The following ARHGEF35 variants were observed in gnomAD, a reference collection of about 807,000 sequenced individuals.
ARHGEF35 encodes Rho guanine nucleotide exchange factor 35, also known as Rho guanine nucleotide exchange factor (GEF) 35.
For synonymous variants in ARHGEF35, 47 were observed against 170.4 expected, an observed-to-expected ratio of 0.28 and a Z score of 5.64; for missense variants, 114 against 449.7, an observed-to-expected ratio of 0.25 and a Z score of 6.75.
chr7:144,188,284 AG>A lies in ARHGEF35; in HGVS notation c.99del (p.Ser34LeufsTer31), dbSNP rs1391969238. 2 of 1,024,666 alleles carry A rather than the reference AG, an allele frequency of 2.0e-6. 1 individual carries two copies. The highest frequency in any genetic ancestry group is 2.7e-6 in the Non-Finnish European group (2 of 742,074). 63.5% of individuals were successfully genotyped at this position (1,024,666 alleles called of 1,614,324 possible). ...TCTTGAGCTTCAAGCCCCAAGGCAG[AG>A]ACCTGGCTGCTCCTCATGGGAGCCT... ...IPEAPMRSSQ[V>X]SALGLEAQED... On this transcript the variant is annotated frameshift_variant, in exon 2 of 2. Transcript: ENST00000378115. LOFTEE classifies it low-confidence loss of function (END_TRUNC).
chr7:144,189,792 C>A (rs1043297714), intron 1 of ARHGEF35, among the ~76,000 whole-genome samples: 1 of 117,498 alleles, frequency 8.5e-6, no homozygotes, highest in African/African-American at 3.5e-5. Flanking sequence ...TTCCTCCAGT[C>A]TTTTTTTTTC....
chr7:144,193,875 G>T (rs1193963043), intron 1 of ARHGEF35, among the ~76,000 whole-genome samples: 2 of 145,296 alleles, frequency 1.4e-5, no homozygotes, highest in Non-Finnish European at 3.1e-5. Context: ...CCTTGAGGGT[G>T]ACTTTGTTCC....
Position 144,186,427 on chromosome 7 carries a change from G to C in ARHGEF35, c.*502C>G, listed in dbSNP as rs1243955490. 7.9e-6 allele frequency: 1 copy of C among 126,394 alleles called. No homozygotes were observed. The highest frequency in any genetic ancestry group is 3.5e-5 in the African/African-American group (1 of 28,922). The allele number at this position is 126,394 out of a possible 1,614,324, so 7.8% of individuals were successfully genotyped here. A position where few individuals can be genotyped will look rare whatever the true frequency, so the allele number is the denominator to read the frequency against. ...TAGAACTAGACAGAAAATCAGCAAG[G>C]AGTGTTGGCTTTGGCAGCACTTTCT... On this transcript the variant is annotated 3_prime_UTR_variant, in exon 2 of 2. Transcript: ENST00000378115.
chr7:144,191,345 C>T (rs1265082956), intron 1 of ARHGEF35, among the ~76,000 whole-genome samples: 12 of 69,526 alleles, frequency 1.7e-4, no homozygotes, highest in Middle Eastern at 9.3e-3. Flanking sequence ...CTGCCCCCAT[C>T]CCCCCCCCCC....
At chr7:144,192,230 TACACACACACAC>T (rs2699831) in intron 1 of ARHGEF35, among the ~76,000 whole-genome samples, 103 of 62,770 alleles carry the variant, frequency 1.6e-3, no homozygotes, top group Non-Finnish European at 2.3e-3. Flanking sequence ...CCACTGTGTG[TACACACACACAC>T]ACACACACAC....
In ARHGEF35 at chr7:144,186,984, C is replaced by G. The variant is rs769616365; in HGVS notation, c.1400G>C (p.Gly467Ala). 1 of 1,543,598 alleles carries G rather than the reference C, an allele frequency of 6.5e-7. No homozygotes were observed. Among genetic ancestry groups the G allele is most frequent in the Admixed American group, 1.7e-5 (1 of 58,550 alleles). Reference sequence around the variant, plus strand: ...AGGTGACTCCTCAGTCAAAAAGGAGCCCAGTAGAGAAATGGGCTGGTGAGA... The same window carrying G: ...AGGTGACTCCTCAGTCAAAAAGGAGGCCAGTAGAGAAATGGGCTGGTGAGA... Reference protein sequence around the residue: ...RCSHQPISLLGSFLTEESPDK... With the variant: ...RCSHQPISLLASFLTEESPDK... The change falls in exon 2 of 2, where the codon GGC (glycine) becomes GCC (alanine). Residue 467 changes from glycine (G) to alanine (A), a missense_variant. Coordinates refer to ENST00000378115, the MANE Select transcript of ARHGEF35 (RefSeq NM_001003702.3).
rs1044984978 is a variant in ARHGEF35 at position 144,186,886 on chromosome 7, T to G, written c.*43A>C. 4.5e-5 allele frequency: 61 copies of G among 1,342,428 alleles called. 7 individuals are homozygous for G. The Admixed American group carries it at 1.6e-3, about 34-fold the overall frequency. The allele number at this position is 1,342,428 out of a possible 1,614,324, so 83.2% of individuals were successfully genotyped here. ...CAGTCAAAGAAGTCTCAAGGAAAAA[T>G]TTAAAAATACATTGAACTGGATAAA... On this transcript the variant is annotated 3_prime_UTR_variant, in exon 2 of 2. Transcript: ENST00000378115.
chr7:144,191,860 T>C (rs1416094090), intron 1 of ARHGEF35, among the ~76,000 whole-genome samples: 6 of 118,868 alleles, frequency 5.0e-5, no homozygotes, highest in African/African-American at 1.7e-4. Context: ...TGGTAAATAC[T>C]GTTGACCTGA....
At chr7:144,189,806 C>T (rs143475089) in intron 1 of ARHGEF35, among the ~76,000 whole-genome samples, 5 of 102,058 alleles carry the variant, frequency 4.9e-5, no homozygotes, top group Admixed American at 1.0e-4. Context: ...TTTTTTCTTT[C>T]TTTTTTTTTT....
chr7:144,190,653 C>A (rs1440246193), intron 1 of ARHGEF35, among the ~76,000 whole-genome samples: 1 of 145,314 alleles, frequency 6.9e-6, no homozygotes, highest in Non-Finnish European at 1.5e-5. Flanking sequence ...TTTCCCAATG[C>A]ACTTTATATA....
At position 144,186,935 on chromosome 7, in the gene ARHGEF35, T is replaced by TA. The variant is rs780585148; in HGVS notation, c.1448dup (p.Leu484ThrfsTer24). The TA allele has an allele frequency of 6.6e-7, 1 of 1,505,092 alleles. No homozygotes were observed. The highest frequency in any genetic ancestry group is 1.4e-5 in the African/African-American group (1 of 69,410). 93.2% of individuals were successfully genotyped at this position (1,505,092 alleles called of 1,614,324 possible). A position where few individuals can be genotyped will look rare whatever the true frequency, so the allele number is the denominator to read the frequency against. Reference sequence around the variant, plus strand: ...AACATGAAACTGTGACATATCAAAGTACTGATAGAAGTTTTTCCTTGTCAG... The same window carrying TA: ...AACATGAAACTGTGACATATCAAAGTAACTGATAGAAGTTTTTCCTTGTCAG... On this transcript the variant is annotated frameshift_variant, in exon 2 of 2. Transcript: ENST00000378115. LOFTEE classifies it high-confidence loss of function.
intron 1 of ARHGEF35, among the ~76,000 whole-genome samples, chr7:144,192,230 TACACACACACACACACACACAC>T (rs2699831): frequency 3.2e-5 from 2 of 62,776 alleles, no homozygotes; most frequent in African/African-American, 7.9e-5. Context: ...CCACTGTGTG[TACACACACACACACACACACAC>T]ACACACACAC....
chr7:144,187,035 G>C lies in ARHGEF35; in HGVS notation c.1349C>G (p.Ser450Cys), dbSNP rs2051962439. ...GCATCTGATGGGCTCTAGCAAGGGA[G>C]ACAGAGCTGCGGGGGACAGTTCCTC... ...RAEELSPAAL[S>C]PLLEPIRCSH... Residue 450 changes from serine to cysteine, a missense_variant, in exon 2 of 2, where the codon TCT becomes TGT. Coordinates refer to ENST00000378115, the MANE Select transcript of ARHGEF35 (RefSeq NM_001003702.3). The C allele has an allele frequency of 1.9e-6, 3 of 1,545,308 alleles. 1 individual carries two copies. The highest frequency in any genetic ancestry group is 1.7e-5 in the Admixed American group (1 of 58,804).
chr7:144,192,165 G>A (rs1433820745), intron 1 of ARHGEF35, among the ~76,000 whole-genome samples: 15 of 122,386 alleles, frequency 1.2e-4, no homozygotes, highest in Non-Finnish European at 2.5e-4. Context: ...CACCTTTCTT[G>A]TCTGGTCCAG....
At chr7:144,193,844 G>A (rs1437728074) in intron 1 of ARHGEF35, among the ~76,000 whole-genome samples, 40 of 144,984 alleles carry the variant, frequency 2.8e-4, no homozygotes, top group Middle Eastern at 3.4e-3. Flanking sequence ...TGTGAGTGAC[G>A]TGTTTGTGTA....
chr7:144,186,823 C>T lies in ARHGEF35; in HGVS notation c.*106G>A, dbSNP rs575950946. The T allele has an allele frequency of 9.0e-5, 89 of 988,006 alleles. 11 individuals carry two copies. The African/African-American group carries it at 1.2e-3, about 14-fold the overall frequency. The allele number at this position is 988,006 out of a possible 1,614,324, so 61.2% of individuals were successfully genotyped here. ...TAAGAAAGATATGAAAATCCCTAAA[C>T]ATTTGGAAATTTAAAAACACACTTC... On this transcript the variant is annotated 3_prime_UTR_variant, in exon 2 of 2. Transcript: ENST00000378115.
Position 144,187,419 on chromosome 7 carries a change from T to C in ARHGEF35, c.965A>G (p.Gln322Arg). 1 of 1,319,492 alleles carries C rather than the reference T, an allele frequency of 7.6e-7. No homozygotes were observed. The highest frequency in any genetic ancestry group is 1.2e-5 in the South Asian group (1 of 82,410). The allele number at this position is 1,319,492 out of a possible 1,614,324, so 81.7% of individuals were successfully genotyped here. The change falls in exon 2 of 2, where the codon CAG becomes CGG. Residue 322 changes from glutamine (Q) to arginine (R), a missense_variant. By Grantham distance (43) the Gln-to-Arg change is conservative. Coordinates refer to ENST00000378115, the MANE Select transcript of ARHGEF35 (RefSeq NM_001003702.3). ...CAGCTCCCTCTTCCTCTCTTCTCCC[T>C]GTTCTGGACCTCCCTGACCCTGAGC... ...RKAQGQGGPE[Q>R]GEERKRELQV...
In ARHGEF35 at chr7:144,187,123, G is replaced by A. The variant is rs200777966; in HGVS notation, c.1261C>T (p.Leu421=). 1.2e-5 allele frequency: 19 copies of A among 1,528,542 alleles called. 1 individual carries two copies. The African/African-American group carries it at 2.6e-4, about 21-fold the overall frequency. The allele number at this position is 1,528,542 out of a possible 1,614,324, so 94.7% of individuals were successfully genotyped here. ...IAPEDSPHCD[L]FPGASYLVTQ... is the part of the protein sequence containing the mutation. Reference sequence around the variant, plus strand: ...ACGAGATATGAGGCACCTGGAAACAGGTCACAGTGAGGAGAGTCCTCAGGG... The same window carrying A: ...ACGAGATATGAGGCACCTGGAAACAAGTCACAGTGAGGAGAGTCCTCAGGG... The change falls in exon 2 of 2, where the codon CTG becomes TTG. Residue 421 remains leucine, a synonymous_variant. Transcript: ENST00000378115.
rs547983009 is a variant in ARHGEF35, at chr7:144,187,060, C to T, written c.1324G>A (p.Glu442Lys). ...GACAGAGCTGCGGGGGACAGTTCCT[C>T]AGCCCTGGACTCTGTCTGAGTCCCG... ...IPGTQTESRA[E>K]ELSPAALSPL... is the part of the protein sequence containing the mutation. The change falls in exon 2 of 2, where the codon GAG becomes AAG. Residue 442 changes from glutamate (E) to lysine (K), a missense_variant. Physicochemically the swap from Glu to Lys is moderately conservative, Grantham distance 56. Coordinates refer to ENST00000378115, the MANE Select transcript of ARHGEF35 (RefSeq NM_001003702.3). 6 of 1,543,554 alleles carry T rather than the reference C, an allele frequency of 3.9e-6. 1 individual carries two copies. The South Asian group carries it at 6.6e-5, about 17-fold the overall frequency.
Sources: gnomAD v4.1 joint callset for allele counts (sites outside exome capture counted in the v4.1 genomes callset) on GRCh38, gnomAD v4.1.1 for gene constraint, MANE v1.5 for transcripts, NCBI Gene and HGNC (gene_info 2026-07-23, HGNC 2026-07-21) for gene names.